Variants in PLEKHA7 observed in about 807,000 individuals in gnomAD.
PLEKHA7 encodes the protein pleckstrin homology domain-containing family A member 7.
In PLEKHA7, 104 loss-of-function variants were observed where a neutral mutation model predicts 170.0. The observed-to-expected ratio is 0.61, with a 90% CI of 0.52 to 0.72. The LOEUF is 0.72. Among genes scored for constraint, PLEKHA7 ranks in the 30% least tolerant of loss-of-function variants. The pLI, the probability that PLEKHA7 is intolerant of heterozygous loss-of-function variation, is 0.00. For synonymous variants in PLEKHA7, 648 were observed against 660.8 expected (o/e 0.98, Z 0.30); for missense variants, 1,615 against 1,671.7 (o/e 0.97, Z 0.59).
intron 3 of PLEKHA7, among the ~76,000 whole-genome samples, chr11:16,992,911 T>C (rs911171896): frequency 2.0e-5 from 3 of 152,150 alleles, no homozygotes; most frequent in African/African-American, 7.2e-5. Context: ...AAATAATGTG[T>C]AAAAAGTTTT....
intron 3 of PLEKHA7, among the ~76,000 whole-genome samples, chr11:16,932,671 G>A (rs1219344134): frequency 6.6e-6 from 1 of 152,158 alleles, no homozygotes; most frequent in Non-Finnish European, 1.5e-5. Flanking sequence ...AAGAGACAGA[G>A]GGACAGAAAT....
rs10525520 is a variant in PLEKHA7 at position 16,833,981 on chromosome 11, T to TTATATATATATA, written c.873-7392_873-7391insTATATATATATA. ...GGTGGATCACCTGAGCTCAGGAGTT[T>TTATATATATATA]TATATATAGATATATGTTTTTTGTT... On this transcript the variant is annotated intron_variant, in intron 9 of 26. Transcript: ENST00000531066. Among the ~76,000 whole-genome samples, 428 of 151,252 alleles carry TTATATATATATA rather than the reference T, an allele frequency of 2.8e-3. 3 individuals are homozygous for TTATATATATATA. Among genetic ancestry groups the TTATATATATATA allele is most frequent in the African/African-American group, 7.0e-3 (290 of 41,212 alleles).
At chr11:16,823,807 C>G (rs1416796808) in intron 10 of PLEKHA7, among the ~76,000 whole-genome samples, 3 of 152,170 alleles carry the variant, frequency 2.0e-5, no homozygotes, top group African/African-American at 7.2e-5. Context: ...TTCTATAGAT[C>G]TGTTTATTGT....
chr11:16,933,069 T>G (rs1860053098), intron 3 of PLEKHA7, among the ~76,000 whole-genome samples: 1 of 152,230 alleles, frequency 6.6e-6, no homozygotes, highest in Non-Finnish European at 1.5e-5. Context: ...TTCTGTATCT[T>G]CTATGTAGAG....
At chr11:16,827,199 C>A (rs1164989705) in intron 9 of PLEKHA7, among the ~76,000 whole-genome samples, 4 of 152,188 alleles carry the variant, frequency 2.6e-5, no homozygotes, top group African/African-American at 9.6e-5. Flanking sequence ...AATTAACACT[C>A]TTCAAAGATG....
intron 3 of PLEKHA7, among the ~76,000 whole-genome samples, chr11:16,907,545 C>T (rs1347244090): frequency 1.7e-5 from 2 of 120,934 alleles, no homozygotes; most frequent in African/African-American, 6.1e-5. Flanking sequence ...GCCAGCCGCC[C>T]CGTCCGGGAG....
At chr11:16,786,859 C>T (rs1849432554) in intron 23 of PLEKHA7, 1 of 985,356 alleles carries the variant, frequency 1.0e-6, no homozygotes, top group African/African-American at 1.7e-5. Context: ...GAATTTTCAA[C>T]AAGATAACAT....
chr11:16,836,461 T>C (rs1851517522), intron 9 of PLEKHA7, among the ~76,000 whole-genome samples: 1 of 152,342 alleles, frequency 6.6e-6, no homozygotes, highest in East Asian at 1.9e-4. Flanking sequence ...AGGAAGCACC[T>C]GCCTGTATGA....
At chr11:16,832,612 A>C (rs779567385) in intron 9 of PLEKHA7, among the ~76,000 whole-genome samples, 1 of 152,126 alleles carries the variant, frequency 6.6e-6, no homozygotes, top group Non-Finnish European at 1.5e-5. Context: ...CACACACCCC[A>C]CACACATTCA....
chr11:16,806,456 G>A (rs534190733), intron 13 of PLEKHA7, among the ~76,000 whole-genome samples: 15 of 152,318 alleles, frequency 9.8e-5, no homozygotes, highest in African/African-American at 3.1e-4. Flanking sequence ...TCATCCATTT[G>A]AAAGAGTCTC....
At chr11:16,964,281 T>C (rs1263897943) in intron 3 of PLEKHA7, among the ~76,000 whole-genome samples, 1 of 152,218 alleles carries the variant, frequency 6.6e-6, no homozygotes, top group East Asian at 1.9e-4. Context: ...TGCACCTAAG[T>C]GTACAAATAT....
intron 3 of PLEKHA7, among the ~76,000 whole-genome samples, chr11:16,894,082 C>T (rs1284803500): frequency 6.6e-6 from 1 of 152,184 alleles, no homozygotes; most frequent in African/African-American, 2.4e-5. Flanking sequence ...AGTCTAGGGA[C>T]TCCAGAGGCC....
intron 17 of PLEKHA7, among the ~76,000 whole-genome samples, chr11:16,799,935 A>G (rs769857099): frequency 1.3e-5 from 2 of 152,158 alleles, no homozygotes; most frequent in Non-Finnish European, 2.9e-5. Flanking sequence ...GGCCCTTGGA[A>G]AAGCCTCAGG....
intron 3 of PLEKHA7, among the ~76,000 whole-genome samples, chr11:16,966,843 T>A (rs538432628): frequency 2.6e-5 from 4 of 152,202 alleles, no homozygotes; most frequent in Non-Finnish European, 5.9e-5. Context: ...GTCGTCCACC[T>A]GGAGCCTGCC....
intron 3 of PLEKHA7, among the ~76,000 whole-genome samples, chr11:16,880,864 C>A (rs960992527): frequency 1.3e-5 from 2 of 152,162 alleles, no homozygotes; most frequent in Non-Finnish European, 2.9e-5. Flanking sequence ...AAGGCTGGAG[C>A]AGGAGATGTT....
At chr11:16,992,505 C>T (rs1022024606) in intron 3 of PLEKHA7, among the ~76,000 whole-genome samples, 4 of 152,274 alleles carry the variant, frequency 2.6e-5, no homozygotes, top group Admixed American at 6.5e-5. Context: ...CTGTTATTCC[C>T]GGCACCTTGG....
At chr11:16,921,114 C>T (rs1217098197) in intron 3 of PLEKHA7, among the ~76,000 whole-genome samples, 1 of 152,142 alleles carries the variant, frequency 6.6e-6, no homozygotes, top group Admixed American at 6.5e-5. Flanking sequence ...GTTGTTGTTC[C>T]TTTTACATTT....
intron 8 of PLEKHA7, among the ~76,000 whole-genome samples, chr11:16,847,417 G>A (rs998207788): frequency 7.9e-5 from 12 of 152,112 alleles, no homozygotes; most frequent in African/African-American, 2.4e-4. Flanking sequence ...TTAAGTAAAG[G>A]CCTATAGGCA....
At chr11:16,973,272 A>G (rs1862838052) in intron 3 of PLEKHA7, among the ~76,000 whole-genome samples, 1 of 152,212 alleles carries the variant, frequency 6.6e-6, no homozygotes, top group African/African-American at 2.4e-5. Context: ...AGGCCACTAG[A>G]AAGCCATCAC....
Sources: allele counts gnomAD v4.1 joint callset (sites outside exome capture counted in the v4.1 genomes callset), GRCh38; gene constraint gnomAD v4.1.1; transcripts MANE v1.5; gene names NCBI Gene and HGNC (gene_info 2026-07-23, HGNC 2026-07-21).